KTN1: variants seen among roughly 807,000 people sequenced by gnomAD.
KTN1 encodes the protein kinectin 1.
KTN1 carries 130 observed loss-of-function variants against 222.5 expected under a neutral mutation model. The observed-to-expected ratio is 0.58, with a 90% CI of 0.51 to 0.68. The LOEUF is 0.68. Among genes scored for constraint, KTN1 ranks in the 30% least tolerant of loss-of-function variants. The pLI is 0.00. For synonymous variants in KTN1, 512 were observed against 496.3 expected (o/e 1.03, Z -0.42); for missense variants, 1,508 against 1,500.4 (o/e 1.01, Z -0.08).
At chr14:55,588,860 A>G (rs2033564266) in intron 1 of KTN1, among the ~76,000 whole-genome samples, 1 of 152,032 alleles carries the variant, frequency 6.6e-6, no homozygotes, top group Admixed American at 6.6e-5. Flanking sequence ...ATCTACATAT[A>G]TTTTATGCAT....
chr14:55,586,400 C>G (rs1023645121), intron 1 of KTN1, among the ~76,000 whole-genome samples: 4 of 152,036 alleles, frequency 2.6e-5, no homozygotes, highest in Non-Finnish European at 4.4e-5. Context: ...CTGTCAAACT[C>G]TAAATGCTTT....
At chr14:55,594,248 C>T (rs1385891578) in intron 1 of KTN1, among the ~76,000 whole-genome samples, 2 of 152,162 alleles carry the variant, frequency 1.3e-5, no homozygotes, top group Non-Finnish European at 2.9e-5. Flanking sequence ...GTAGTATTCA[C>T]AGTGTATCCT....
At chr14:55,678,065 G>C (rs1026093329) in intron 41 of KTN1, among the ~76,000 whole-genome samples, 1 of 152,230 alleles carries the variant, frequency 6.6e-6, no homozygotes, top group Non-Finnish European at 1.5e-5. Flanking sequence ...CTTTGGGCCA[G>C]ATTTGACTAA....
At chr14:55,618,160 G>A in intron 4 of KTN1, 26 bp downstream of exon 4, 1 of 1,543,462 alleles carries the variant, frequency 6.5e-7, no homozygotes, top group Non-Finnish European at 8.8e-7. Context: ...TATAGTCTTT[G>A]TTGTACTATA....
rs919228619 is a variant in KTN1 at position 55,678,609 on chromosome 14, G to A, written c.3948+165G>A. ...GTTTGATCTCATTTTTGCTTATTGAGGTATGTTAATTTTAAGGGTTGTGTT... is the reference window on the plus strand; with the variant it reads ...GTTTGATCTCATTTTTGCTTATTGAAGTATGTTAATTTTAAGGGTTGTGTT... On this transcript the variant is annotated intron_variant, in intron 42 of 43. Coordinates refer to ENST00000395314, the MANE Select transcript of KTN1 (RefSeq NM_001079521.2). The A allele has an allele frequency of 5.1e-6, 3 of 584,582 alleles. No homozygotes were observed. In the African/African-American group the frequency reaches 5.6e-5, roughly 11 times the overall value. The allele number at this position is 584,582 out of a possible 1,614,324, so 36.2% of individuals were successfully genotyped here.
At chr14:55,588,020 A>G (rs555633931) in intron 1 of KTN1, among the ~76,000 whole-genome samples, 41 of 152,248 alleles carry the variant, frequency 2.7e-4, no homozygotes, top group Admixed American at 6.5e-5. Flanking sequence ...TGACCTTTGG[A>G]CAATGTGGGA....
In KTN1 at chr14:55,653,034, T is replaced by G. The variant is rs147358063; in HGVS notation, c.2712T>G (p.Asn904Lys). 71 of 1,605,794 alleles carry G rather than the reference T, an allele frequency of 4.4e-5. No homozygotes were observed. The highest frequency in any genetic ancestry group is 6.0e-5 in the Non-Finnish European group (70 of 1,173,108). ...GKWLQDLQEE[N>K]ESLKAHVQEV... is the part of the protein sequence containing the mutation. ...TTTTTAAGGATCTTCAAGAAGAAAATGAATCTTTAAAAGCACATGTTCAGG... is the reference window on the plus strand; with the variant it reads ...TTTTTAAGGATCTTCAAGAAGAAAAGGAATCTTTAAAAGCACATGTTCAGG... Residue 904 changes from asparagine to lysine, a missense_variant, in exon 27 of 44, where the codon AAT (asparagine) becomes AAG (lysine). Physicochemically the swap from Asn to Lys is moderately conservative, Grantham distance 94. Coordinates refer to ENST00000395314, the MANE Select transcript of KTN1 (RefSeq NM_001079521.2).
Position 55,616,672 on chromosome 14 carries a change from G to A in KTN1, c.661+18G>A, listed in dbSNP as rs942137510. ...AGAAAATGGTGAGATGTTTAGATAT[G>A]TATTTTTATAATGCTAATTCTAGAG... On this transcript the variant is annotated intron_variant, in intron 3 of 43. Transcript: ENST00000395314. 6.4e-7 allele frequency: 1 copy of A among 1,572,802 alleles called. No individual in the cohort carries two copies.
chr14:55,599,359 CTA>C (rs1444967639), intron 1 of KTN1, among the ~76,000 whole-genome samples: 4 of 152,116 alleles, frequency 2.6e-5, no homozygotes, highest in African/African-American at 9.7e-5. Context: ...TCTGCAAATA[CTA>C]TACTGTACGG....
Position 55,653,612 on chromosome 14 carries a change from G to T in KTN1, c.2801+16G>T, listed in dbSNP as rs1258855522. 10 of 1,594,812 alleles carry T rather than the reference G, an allele frequency of 6.3e-6. No individual in the cohort carries two copies. Among genetic ancestry groups the T allele is most frequent in the South Asian group, 1.1e-5 (1 of 90,084 alleles). On this transcript the variant is annotated intron_variant, in intron 28 of 43. Transcript: ENST00000395314. ...TTGAGATTGTGTAAGTATGCTTTAA[G>T]ACCACATTTTGAAGAGAAACAAACG...
intron 18 of KTN1, among the ~76,000 whole-genome samples, chr14:55,643,527 G>C (rs1274116028): frequency 6.6e-6 from 1 of 152,178 alleles, no homozygotes; most frequent in Non-Finnish European, 1.5e-5. Flanking sequence ...CTGATAACCA[G>C]TGTATGAAGT....
At chr14:55,640,070 A>C in intron 14 of KTN1, 67 bp downstream of exon 14, 1 of 919,782 alleles carries the variant, frequency 1.1e-6, no homozygotes, top group South Asian at 1.4e-5. Context: ...TTTGATGCAC[A>C]TAATCAGTAA....
At chr14:55,671,411 A>G (rs2045436977) in intron 35 of KTN1, 155 bp from the exon 36 acceptor site, 2 of 592,164 alleles carry the variant, frequency 3.4e-6, no homozygotes, top group Admixed American at 6.7e-5. Flanking sequence ...TATTGAATGA[A>G]CTTCATCGCT....
At chr14:55,673,426 T>C (rs2045622317) in intron 40 of KTN1, 171 bp downstream of exon 40, 2 of 441,512 alleles carry the variant, frequency 4.5e-6, no homozygotes, top group Non-Finnish European at 8.1e-6. Context: ...CTTTCTTTTC[T>C]TGACTCCTAA....
rs1293874045 is a variant in KTN1, at chr14:55,653,574, C to A, written c.2779C>A (p.Gln927Lys). ...TGTTTCTCAGGCCTCTTCTGCATCA[C>A]AGTTTGAAGAACTTGAGATTGTGTA... ...HNLKEASSAS[Q>K]FEELEIVLKE... The change falls in exon 28 of 44, where the codon CAG (glutamine) becomes AAG (lysine). Residue 927 changes from glutamine to lysine, a missense_variant. Gln to Lys is a moderately conservative substitution (Grantham distance 53, BLOSUM62 1). Coordinates refer to ENST00000395314, the MANE Select transcript of KTN1 (RefSeq NM_001079521.2). 3.7e-6 allele frequency: 6 copies of A among 1,610,436 alleles called. No homozygotes were observed. Among genetic ancestry groups the A allele is most frequent in the Non-Finnish European group, 4.2e-6 (5 of 1,177,298 alleles).
chr14:55,598,267 C>G (rs948612995), intron 1 of KTN1, among the ~76,000 whole-genome samples: 1 of 152,168 alleles, frequency 6.6e-6, no homozygotes, highest in East Asian at 1.9e-4. Context: ...AACCCCGTCT[C>G]TACTAAATAT....
intron 18 of KTN1, among the ~76,000 whole-genome samples, chr14:55,644,677 A>C (rs1329108963): frequency 6.6e-6 from 1 of 151,988 alleles, no homozygotes; most frequent in Non-Finnish European, 1.5e-5. Context: ...TATTAAGTGA[A>C]AACTATAAGA....
Position 55,675,914 on chromosome 14 carries a change from A to T in KTN1, c.3851A>T (p.His1284Leu). The T allele has an allele frequency of 2.5e-6, 4 of 1,610,580 alleles. No individual in the cohort carries two copies. The highest frequency in any genetic ancestry group is 3.4e-6 in the Non-Finnish European group (4 of 1,176,892). Residue 1284 changes from histidine (H) to leucine (L), a missense_variant, in exon 41 of 44, where the codon CAT becomes CTT. Transcript: ENST00000395314. ...AGACAGAAGGTAGCTGGTGATTTGC[A>T]TAAGGTAGGCACTGTTCGTCCTAGA... Reference protein sequence around the residue: ...NERQKVAGDLHKAQQSLELIQ... With the variant: ...NERQKVAGDLLKAQQSLELIQ...
intron 2 of KTN1, among the ~76,000 whole-genome samples, chr14:55,613,277 A>T (rs2037860625): frequency 6.6e-6 from 1 of 152,116 alleles, no homozygotes. Context: ...GTAATGCCAG[A>T]AATTTTTAAA....
Sources: allele counts gnomAD v4.1 joint callset (sites outside exome capture counted in the v4.1 genomes callset), GRCh38; gene constraint gnomAD v4.1.1; transcripts MANE v1.5; gene names NCBI Gene and HGNC (gene_info 2026-07-23, HGNC 2026-07-21).